The following MLLT3 variants were observed in gnomAD, a reference collection of about 807,000 sequenced individuals.
The protein encoded by MLLT3 is protein AF-9.
Under a neutral mutation model 53.2 loss-of-function variants are expected in MLLT3, and 4 were observed. The ratio of observed to expected loss-of-function variants is 0.08; its 90% CI spans 0.04 to 0.17. The LOEUF (loss-of-function observed/expected upper bound fraction) is 0.17. MLLT3 is among the 10% of genes least tolerant of loss of function. MLLT3 has a pLI of 1.00. For synonymous variants in MLLT3, 283 were observed against 230.6 expected (o/e 1.23, Z -2.06); for missense variants, 569 against 684.0 (o/e 0.83, Z 1.87).
chr9:20,452,848 C>T (rs1823871378), intron 3 of MLLT3, among the ~76,000 whole-genome samples: 1 of 152,008 alleles, frequency 6.6e-6, no homozygotes, highest in African/African-American at 2.4e-5. Context: ...ACGGTGGTTA[C>T]CATGGGCTGG....
chr9:20,430,082 C>T (rs1049096236), intron 4 of MLLT3, among the ~76,000 whole-genome samples: 3 of 152,056 alleles, frequency 2.0e-5, no homozygotes, highest in African/African-American at 4.8e-5. Flanking sequence ...TGCATATTTA[C>T]ACATCAGGAA....
chr9:20,431,053 T>A (rs1048001459), intron 4 of MLLT3, among the ~76,000 whole-genome samples: 2 of 152,142 alleles, frequency 1.3e-5, no homozygotes, highest in Non-Finnish European at 2.9e-5. Flanking sequence ...TGTGCATAGA[T>A]GAACAAGTCT....
In MLLT3 at chr9:20,342,749, T is replaced by G; in HGVS notation, c.*3694A>C. The G allele has an allele frequency of 5.1e-6, 1 of 197,202 alleles. No homozygotes were observed. The highest frequency in any genetic ancestry group is 8.0e-5 in the East Asian group (1 of 12,568). 12.2% of individuals were successfully genotyped at this position (197,202 alleles called of 1,614,324 possible). A position where few individuals can be genotyped will look rare whatever the true frequency, so the allele number is the denominator to read the frequency against. ...ACCATGGGAATTGACTCCTTAACATTCACTGCAGCTGTAGTAGTCTCTACA... is the reference window on the plus strand; with the variant it reads ...ACCATGGGAATTGACTCCTTAACATGCACTGCAGCTGTAGTAGTCTCTACA... On this transcript the variant is annotated 3_prime_UTR_variant, in exon 11 of 11. Transcript: ENST00000380338.
At chr9:20,616,250 G>A (rs1016499986) in intron 2 of MLLT3, among the ~76,000 whole-genome samples, 2 of 151,982 alleles carry the variant, frequency 1.3e-5, no homozygotes, top group African/African-American at 4.8e-5. Flanking sequence ...ACCATACAAG[G>A]AGTCTCTTAA....
At chr9:20,403,259 G>A (rs957899716) in intron 5 of MLLT3, among the ~76,000 whole-genome samples, 1 of 152,182 alleles carries the variant, frequency 6.6e-6, no homozygotes, top group Admixed American at 6.5e-5. Flanking sequence ...TCTAACTCAT[G>A]AAATAAATGC....
At position 20,534,164 on chromosome 9, in the gene MLLT3, C is replaced by T. The variant is rs576444658; in HGVS notation, c.194-77378G>A. On this transcript the variant is annotated intron_variant, in intron 2 of 10. Transcript: ENST00000380338. ...GTTATTATACAAAATAGGGATATTTCGAAAGAGAAATGTTTAGCAAATTTA... is the reference window on the plus strand; with the variant it reads ...GTTATTATACAAAATAGGGATATTTTGAAAGAGAAATGTTTAGCAAATTTA... Among the ~76,000 whole-genome samples, 373 of 152,176 alleles carry T rather than the reference C, an allele frequency of 2.5e-3. 1 individual carries two copies. Among genetic ancestry groups the T allele is most frequent in the African/African-American group, 8.7e-3 (361 of 41,522 alleles).
rs767020037 is a variant in MLLT3 at position 20,360,735 on chromosome 9, A to G, written c.1431+7T>C. 6.2e-7 allele frequency: 1 copy of G among 1,612,102 alleles called. No homozygotes were observed. The highest frequency in any genetic ancestry group is 1.7e-5 in the Admixed American group (1 of 60,018). On this transcript the variant is annotated splice_region_variant and intron_variant, in intron 8 of 10. Transcript: ENST00000380338. ...GAGTCTTGCAAAGTGCAAACCCCAC[A>G]ATTTACCTGGTTGTTGTTGGTTTTT...
At chr9:20,364,770 T>C (rs1821408145) in intron 6 of MLLT3, among the ~76,000 whole-genome samples, 1 of 152,232 alleles carries the variant, frequency 6.6e-6, no homozygotes. Flanking sequence ...GAATTCAGTG[T>C]GGTCATTGAA....
intron 2 of MLLT3, among the ~76,000 whole-genome samples, chr9:20,588,542 T>C (rs1347660366): frequency 6.6e-6 from 1 of 152,174 alleles, no homozygotes; most frequent in Non-Finnish European, 1.5e-5. Context: ...TAGTTCTCCT[T>C]GAAGAGGTCC....
intron 5 of MLLT3, among the ~76,000 whole-genome samples, chr9:20,366,720 T>C (rs951854718): frequency 6.6e-6 from 1 of 152,244 alleles, no homozygotes; most frequent in Non-Finnish European, 1.5e-5. Context: ...TTCCTGACTT[T>C]TTAATGATCG....
intron 5 of MLLT3, among the ~76,000 whole-genome samples, chr9:20,368,979 CTT>C (rs1821524817): frequency 2.6e-5 from 4 of 152,156 alleles, no homozygotes; most frequent in African/African-American, 9.7e-5. Context: ...GAATCTCACA[CTT>C]TGGTGGACAA....
At chr9:20,379,311 G>A (rs1351428677) in intron 5 of MLLT3, among the ~76,000 whole-genome samples, 1 of 151,996 alleles carries the variant, frequency 6.6e-6, no homozygotes, top group African/African-American at 2.4e-5. Context: ...TAAATACACT[G>A]AAGTCCCATC....
intron 8 of MLLT3, among the ~76,000 whole-genome samples, chr9:20,358,737 C>CA (rs1821237684): frequency 6.6e-6 from 1 of 152,104 alleles, no homozygotes; most frequent in Admixed American, 6.5e-5. Flanking sequence ...GAGTGAGGGG[C>CA]ACAAAAGCAG....
intron 2 of MLLT3, among the ~76,000 whole-genome samples, chr9:20,486,826 T>A (rs531940656): frequency 6.6e-6 from 1 of 152,292 alleles, no homozygotes; most frequent in Admixed American, 6.5e-5. Flanking sequence ...TAAGCCTCCA[T>A]CAGCTTGTTT....
intron 3 of MLLT3, among the ~76,000 whole-genome samples, chr9:20,455,860 C>T (rs1823952271): frequency 6.6e-6 from 1 of 151,374 alleles, no homozygotes; most frequent in Admixed American, 6.6e-5. Flanking sequence ...GTAAGCCCCA[C>T]AGAGGTTGAC....
rs368568851 is a variant in MLLT3 at position 20,527,469 on chromosome 9, T to C, written c.194-70683A>G. Among the ~76,000 whole-genome samples the C allele has an allele frequency of 4.3e-4, 65 of 152,304 alleles. 1 individual carries two copies. The South Asian group carries it at 0.013, about 30-fold the overall frequency. Reference sequence around the variant, plus strand: ...AACAGACCTTACTTAACACTTCAAATACCTTATCTCATTTAATCACAACCC... The same window carrying C: ...AACAGACCTTACTTAACACTTCAAACACCTTATCTCATTTAATCACAACCC... On this transcript the variant is annotated intron_variant, in intron 2 of 10. Coordinates refer to ENST00000380338, the MANE Select transcript of MLLT3 (RefSeq NM_004529.4).
chr9:20,390,742 G>C (rs146076591), intron 5 of MLLT3, among the ~76,000 whole-genome samples: 1,930 of 152,296 alleles, frequency 0.013, 59 homozygotes, highest in East Asian at 0.082. Context: ...TTCAAAAGCT[G>C]AGTTAGAAGT....
At chr9:20,474,813 C>T (rs1824481237) in intron 2 of MLLT3, among the ~76,000 whole-genome samples, 16 of 151,930 alleles carry the variant, frequency 1.1e-4, no homozygotes, top group Admixed American at 9.8e-4. Context: ...CACTCTTTTG[C>T]AAAAAATATG....
chr9:20,555,577 A>T (rs1240435568), intron 2 of MLLT3, among the ~76,000 whole-genome samples: 1 of 152,238 alleles, frequency 6.6e-6, no homozygotes, highest in Middle Eastern at 3.2e-3. Context: ...AAAACTCTAA[A>T]GGAAAACAAC....
Sources: allele counts gnomAD v4.1 joint callset (sites outside exome capture counted in the v4.1 genomes callset), GRCh38; gene constraint gnomAD v4.1.1; transcripts MANE v1.5; gene names NCBI Gene and HGNC (gene_info 2026-07-23, HGNC 2026-07-21).